Variants in FCHO2 observed in about 807,000 individuals in gnomAD.
FCHO2 encodes the protein FCH and mu domain containing endocytic adaptor 2.
FCHO2 carries 43 observed loss-of-function variants against 114.1 expected under a neutral mutation model. The observed-to-expected ratio is 0.38, with a 90% CI of 0.30 to 0.49. The LOEUF is 0.49. FCHO2 is among the 20% of genes least tolerant of loss of function. The probability of loss-of-function intolerance (pLI) is 0.97; values close to 1 mark genes in which losing one functional copy is unlikely to be tolerated. For synonymous variants in FCHO2, 293 were observed against 315.2 expected, an observed-to-expected ratio of 0.93 and a Z score of 0.75; for missense variants, 807 against 950.4, an observed-to-expected ratio of 0.85 and a Z score of 1.98.
intron 19 of FCHO2, among the ~76,000 whole-genome samples, chr5:73,073,977 A>G (rs1176237266): frequency 6.6e-6 from 1 of 152,088 alleles, no homozygotes; most frequent in African/African-American, 2.4e-5. Context: ...TAAGGCACGC[A>G]GTGGTAAGAA....
rs1461022363 is a variant in FCHO2 at position 73,088,647 on chromosome 5, A to T, written c.*557A>T. 3 of 153,072 alleles carry T rather than the reference A, an allele frequency of 2.0e-5. No individual in the cohort carries two copies. Among genetic ancestry groups the T allele is most frequent in the Non-Finnish European group, 4.4e-5 (3 of 68,326 alleles). The allele number at this position is 153,072 out of a possible 1,614,324, so 9.5% of individuals were successfully genotyped here. On this transcript the variant is annotated 3_prime_UTR_variant, in exon 26 of 26. Transcript: ENST00000430046. ...GCAAAAAATCTATAATTTGATTCTCATAAACATATTAATAAAGTATAAGTG... is the reference window on the plus strand; with the variant it reads ...GCAAAAAATCTATAATTTGATTCTCTTAAACATATTAATAAAGTATAAGTG...
At position 73,077,601 on chromosome 5, in the gene FCHO2, A is replaced by C. The variant is rs1339162335; in HGVS notation, c.1847+108A>C. ...TCCCAGCAGTTTGGGAGGCTGAGGC[A>C]GGTGGATTGCTTGAGCCCAGTTGTT... On this transcript the variant is annotated intron_variant, in intron 21 of 25. Coordinates refer to ENST00000430046, the MANE Select transcript of FCHO2 (RefSeq NM_138782.3). 2.7e-5 allele frequency: 33 copies of C among 1,212,862 alleles called. No individual in the cohort carries two copies. In the South Asian group the frequency reaches 5.0e-4, roughly 19 times the overall value. The allele number at this position is 1,212,862 out of a possible 1,614,324, so 75.1% of individuals were successfully genotyped here. A position where few individuals can be genotyped will look rare whatever the true frequency, so the allele number is the denominator to read the frequency against.
chr5:73,062,780 A>G (rs187220587), intron 17 of FCHO2, among the ~76,000 whole-genome samples: 6 of 152,000 alleles, frequency 3.9e-5, no homozygotes, highest in Admixed American at 2.6e-4. Flanking sequence ...TACTACCTCT[A>G]TGCACCTTCC....
At chr5:73,020,764 G>A in intron 8 of FCHO2, 1 of 1,085,210 alleles carries the variant, frequency 9.2e-7, no homozygotes, top group Non-Finnish European at 1.4e-6. Flanking sequence ...AACAAATTCT[G>A]TGAGAGATAT....
intron 8 of FCHO2, chr5:73,020,640 CT>C: frequency 2.2e-6 from 2 of 904,292 alleles, no homozygotes; most frequent in South Asian, 2.7e-5. Flanking sequence ...AGAAGGAGGA[CT>C]TTCAAGTTCC....
intron 2 of FCHO2, among the ~76,000 whole-genome samples, chr5:72,981,457 G>C (rs904306605): frequency 6.6e-6 from 1 of 152,130 alleles, no homozygotes; most frequent in Non-Finnish European, 1.5e-5. Flanking sequence ...TCTTTGTGGT[G>C]TTCTCTATAT....
intron 2 of FCHO2, among the ~76,000 whole-genome samples, chr5:72,983,630 C>G (rs1310885542): frequency 7.0e-6 from 1 of 141,886 alleles, no homozygotes; most frequent in Admixed American, 7.7e-5. Flanking sequence ...CTCAAATGAT[C>G]TGCCCACCTC....
chr5:73,059,755 G>A (rs1266536104), intron 17 of FCHO2, among the ~76,000 whole-genome samples: 1 of 151,838 alleles, frequency 6.6e-6, no homozygotes, highest in East Asian at 1.9e-4. Context: ...ATCTGAAGTG[G>A]CTTTATAGCC....
intron 15 of FCHO2, among the ~76,000 whole-genome samples, chr5:73,055,605 G>T (rs1757554323): frequency 6.6e-6 from 1 of 152,148 alleles, no homozygotes. Context: ...CCAGGTTGCT[G>T]TAAGATTCTT....
At chr5:72,975,163 A>C (rs1752789313) in intron 2 of FCHO2, among the ~76,000 whole-genome samples, 1 of 152,110 alleles carries the variant, frequency 6.6e-6, no homozygotes, top group Non-Finnish European at 1.5e-5. Flanking sequence ...GTATTTATAA[A>C]ATTTGGTAAT....
rs573418553 is a variant in FCHO2 at position 73,029,539 on chromosome 5, C to T, written c.797-5118C>T. 1.6e-4 allele frequency among the ~76,000 whole-genome samples: 24 copies of T among 152,248 alleles called. 1 individual carries two copies. Among genetic ancestry groups the T allele is most frequent in the Admixed American group, 1.1e-3 (17 of 15,286 alleles). ...GTTTTCAAGCCTTGGGTACTGTATT[C>T]GTCCATTCTAGTGTTGCTAAAAAGA... On this transcript the variant is annotated intron_variant, in intron 8 of 25. Coordinates refer to ENST00000430046, the MANE Select transcript of FCHO2 (RefSeq NM_138782.3).
At chr5:72,989,618 AG>A in intron 3 of FCHO2, 117 bp downstream of exon 3, 5 of 649,502 alleles carry the variant, frequency 7.7e-6, no homozygotes, top group Non-Finnish European at 1.3e-5. Context: ...CTTATTTAAA[AG>A]TATCTGTAAA....
intron 18 of FCHO2, among the ~76,000 whole-genome samples, chr5:73,068,212 T>G (rs1019327211): frequency 5.9e-5 from 9 of 152,104 alleles, no homozygotes; most frequent in African/African-American, 2.2e-4. Context: ...ATTTTCTAAA[T>G]TAGCTAGAAA....
chr5:72,972,413 TCC>T (rs2112614935), intron 2 of FCHO2, among the ~76,000 whole-genome samples: 1 of 152,282 alleles, frequency 6.6e-6, no homozygotes, highest in Admixed American at 6.5e-5. Context: ...AAGAGGTCCT[TCC>T]CATCCCTTGT....
chr5:73,039,300 G>T (rs548619782), intron 10 of FCHO2, among the ~76,000 whole-genome samples: 1 of 152,318 alleles, frequency 6.6e-6, no homozygotes, highest in South Asian at 2.1e-4. Flanking sequence ...TCATCTGCAG[G>T]TGTCATACAG....
intron 1 of FCHO2, among the ~76,000 whole-genome samples, chr5:72,963,063 G>T (rs190305239): frequency 6.6e-6 from 1 of 152,244 alleles, no homozygotes; most frequent in Admixed American, 6.5e-5. Context: ...TGCTGGAATG[G>T]CCAGAGTCAG....
intron 2 of FCHO2, among the ~76,000 whole-genome samples, chr5:72,979,545 C>T (rs529571894): frequency 2.3e-4 from 34 of 150,292 alleles, no homozygotes; most frequent in African/African-American, 8.3e-4. Flanking sequence ...GCGCCCGCTA[C>T]CACGCCCGGC....
At chr5:72,999,382 T>C (rs1438641202) in intron 5 of FCHO2, among the ~76,000 whole-genome samples, 2 of 144,596 alleles carry the variant, frequency 1.4e-5, no homozygotes, top group Non-Finnish European at 3.0e-5. Flanking sequence ...ACAGGCCTTT[T>C]TTTTTTTTTT....
chr5:72,999,961 T>C lies in FCHO2; in HGVS notation c.496-6484T>C, dbSNP rs375881091. ...AGCACAGTTTCCTCTTAAGAACAAA[T>C]GCTCCAGCTTCCCTTTTATTTTAAT... On this transcript the variant is annotated intron_variant, in intron 5 of 25. Transcript: ENST00000430046. Among the ~76,000 whole-genome samples, 8 of 152,318 alleles carry C rather than the reference T, an allele frequency of 5.3e-5. No individual in the cohort carries two copies. In the South Asian group the frequency reaches 1.2e-3, roughly 24 times the overall value.
Sources: gnomAD v4.1 joint callset for allele counts (sites outside exome capture counted in the v4.1 genomes callset) on GRCh38, gnomAD v4.1.1 for gene constraint, MANE v1.5 for transcripts, NCBI Gene and HGNC (gene_info 2026-07-23, HGNC 2026-07-21) for gene names.